The following PDE3B variants were observed in gnomAD, a reference collection of about 807,000 sequenced individuals.
PDE3B encodes the protein phosphodiesterase 3B.
In PDE3B, 66 loss-of-function variants were observed where a neutral mutation model predicts 116.8. That is an observed-to-expected ratio of 0.56 (90% CI 0.46 to 0.69). The LOEUF is 0.69. Ranked by LOEUF, PDE3B falls within the 30% of genes least tolerant of loss-of-function variation. PDE3B has a pLI of 0.00. For missense variants in PDE3B, 1,384 were observed against 1,368.1 expected, an observed-to-expected ratio of 1.01 and a Z score of -0.18; for synonymous variants, 595 against 533.6, an observed-to-expected ratio of 1.12 and a Z score of -1.59.
At chr11:14,884,405 C>T in the PDE3B span, among the ~76,000 whole-genome samples, 2 of 151,764 alleles carry the variant, frequency 1.3e-5, no homozygotes, top group Non-Finnish European at 2.9e-5. Context: ...AATTGGAAAT[C>T]ATCATTCTCA....
At chr11:14,650,123 A>G (rs137982219) in intron 1 of PDE3B, among the ~76,000 whole-genome samples, 1 of 147,914 alleles carries the variant, frequency 6.8e-6, no homozygotes, top group African/African-American at 2.5e-5. Context: ...AACTTTACAG[A>G]TTTCTCCTCC....
In PDE3B at chr11:14,759,136, T is replaced by G. The variant is rs534503834; in HGVS notation, c.979-12801T>G. Reference sequence around the variant, plus strand: ...ATGAAGCCCACTTGATCATGGTGGATAAGCTTTTTGATGTGCTGCTGGATT... The same window carrying G: ...ATGAAGCCCACTTGATCATGGTGGAGAAGCTTTTTGATGTGCTGCTGGATT... On this transcript the variant is annotated intron_variant, in intron 1 of 15. Transcript: ENST00000282096. 2.0e-5 allele frequency among the ~76,000 whole-genome samples: 3 copies of G among 152,264 alleles called. No homozygotes were observed. The East Asian group carries it at 5.8e-4, about 29-fold the overall frequency.
At chr11:14,773,731 TTTG>T (rs1254429621) in intron 2 of PDE3B, 9 of 152,178 alleles carry the variant, frequency 5.9e-5, no homozygotes, top group Non-Finnish European at 7.4e-5. Flanking sequence ...AATTCCTTTT[TTTG>T]TTGTTGTTCC....
intron 1 of PDE3B, among the ~76,000 whole-genome samples, chr11:14,747,107 A>G (rs573971206): frequency 2.6e-5 from 4 of 152,272 alleles, no homozygotes; most frequent in Admixed American, 2.0e-4. Context: ...GGGAGGTGCC[A>G]TGCTCTTTTA....
chr11:14,724,604 T>C (rs935177869), intron 1 of PDE3B, among the ~76,000 whole-genome samples: 1 of 152,228 alleles, frequency 6.6e-6, no homozygotes, highest in African/African-American at 2.4e-5. Context: ...TTCTGAAATA[T>C]GAAACACTTC....
intron 2 of PDE3B, among the ~76,000 whole-genome samples, chr11:14,778,236 G>T (rs892371832): frequency 3.3e-5 from 5 of 152,174 alleles, no homozygotes; most frequent in Non-Finnish European, 7.4e-5. Context: ...TCCACCTCTG[G>T]GGGCAGGGCA....
intron 11 of PDE3B, among the ~76,000 whole-genome samples, chr11:14,838,915 T>C (rs1175940485): frequency 6.6e-6 from 1 of 152,220 alleles, no homozygotes; most frequent in Non-Finnish European, 1.5e-5. Flanking sequence ...TGAAACTCCT[T>C]GTATACTGTA....
the PDE3B span, chr11:14,878,323 A>AT: frequency 1.9e-6 from 3 of 1,610,042 alleles, no homozygotes; most frequent in Non-Finnish European, 2.5e-6. Flanking sequence ...AGATACAATA[A>AT]TTTTTTAAAC....
At chr11:14,747,877 A>G (rs1484429782) in intron 1 of PDE3B, among the ~76,000 whole-genome samples, 1 of 152,222 alleles carries the variant, frequency 6.6e-6, no homozygotes, top group East Asian at 1.9e-4. Flanking sequence ...AGAAGTGCAC[A>G]CATTTCTGTG....
chr11:14,653,033 T>C (rs1271740414), intron 1 of PDE3B, among the ~76,000 whole-genome samples: 1 of 152,264 alleles, frequency 6.6e-6, no homozygotes, highest in African/African-American at 2.4e-5. Flanking sequence ...TTCTTTTCAA[T>C]GCTGTTGCAG....
the PDE3B span, among the ~76,000 whole-genome samples, chr11:14,879,951 A>AT: frequency 7.2e-5 from 11 of 152,010 alleles, no homozygotes; most frequent in East Asian, 3.9e-4. Context: ...TCTTTCAGAG[A>AT]TTTTTTTTAC....
chr11:14,664,353 A>G (rs2133768426), intron 1 of PDE3B, among the ~76,000 whole-genome samples: 1 of 152,302 alleles, frequency 6.6e-6, no homozygotes, highest in African/African-American at 2.4e-5. Flanking sequence ...CACAATTAAA[A>G]GAACTAGAAA....
chr11:14,890,841 C>T, the PDE3B span: 493 of 985,054 alleles, frequency 5.0e-4, 2 homozygotes, highest in African/African-American at 6.5e-3. Context: ...AGCCACCGCG[C>T]CCGGGCACCT....
At chr11:14,686,262 T>G (rs947041627) in intron 1 of PDE3B, among the ~76,000 whole-genome samples, 3 of 152,252 alleles carry the variant, frequency 2.0e-5, no homozygotes, top group Non-Finnish European at 4.4e-5. Flanking sequence ...TACCTTTATC[T>G]GAGTCTATAT....
At chr11:14,766,675 CA>C (rs967711227) in intron 1 of PDE3B, among the ~76,000 whole-genome samples, 28 of 144,782 alleles carry the variant, frequency 1.9e-4, no homozygotes, top group South Asian at 1.7e-3. Flanking sequence ...AACAAACAAA[CA>C]AAAAAAAAAC....
chr11:14,697,365 T>C (rs1415309204), intron 1 of PDE3B, among the ~76,000 whole-genome samples: 2 of 152,168 alleles, frequency 1.3e-5, no homozygotes, highest in African/African-American at 4.8e-5. Context: ...TTGAAAAGAT[T>C]GTCTTTTCCC....
At chr11:14,826,737 A>T (rs1369181322) in intron 7 of PDE3B, among the ~76,000 whole-genome samples, 1 of 152,164 alleles carries the variant, frequency 6.6e-6, no homozygotes, top group Non-Finnish European at 1.5e-5. Context: ...TACTGAAAGT[A>T]GTATTACAAA....
At chr11:14,756,801 T>TTTC (rs202048130) in intron 1 of PDE3B, among the ~76,000 whole-genome samples, 96,110 of 150,506 alleles carry the variant, frequency 0.64, 30,706 homozygotes, top group Middle Eastern at 0.71. Flanking sequence ...TTTAAGTGCT[T>TTTC]ATTTTTTTTT....
At chr11:14,822,194 T>G (rs1489786524) in intron 7 of PDE3B, among the ~76,000 whole-genome samples, 1 of 152,170 alleles carries the variant, frequency 6.6e-6, no homozygotes, top group Non-Finnish European at 1.5e-5. Flanking sequence ...TGAGCTGTTA[T>G]GCCTGGCCAA....
Sources: allele counts gnomAD v4.1 joint callset (sites outside exome capture counted in the v4.1 genomes callset), GRCh38; gene constraint gnomAD v4.1.1; transcripts MANE v1.5; gene names NCBI Gene and HGNC (gene_info 2026-07-23, HGNC 2026-07-21).